Variants in KCNQ2 observed in about 807,000 individuals in gnomAD.
The protein encoded by KCNQ2 is potassium voltage-gated channel subfamily Q member 2.
Under a neutral mutation model 84.8 loss-of-function variants are expected in KCNQ2, and 14 were observed. The observed-to-expected ratio is 0.17, with a 90% CI of 0.11 to 0.26. KCNQ2 has a LOEUF of 0.26. Ranked by LOEUF, KCNQ2 falls within the 10% of genes least tolerant of loss-of-function variation. The pLI, the probability that KCNQ2 is intolerant of heterozygous loss-of-function variation, is 1.00. For missense variants in KCNQ2, 788 were observed against 1,254.0 expected, an observed-to-expected ratio of 0.63 and a Z score of 5.61; for synonymous variants, 599 against 554.1, an observed-to-expected ratio of 1.08 and a Z score of -1.14.
rs201750561 is a variant in KCNQ2, at chr20:63,419,667, C to G, written c.1253G>C (p.Gly418Ala). The G allele has an allele frequency of 6.2e-7, 1 of 1,610,738 alleles. No individual in the cohort carries two copies. The highest frequency in any genetic ancestry group is 1.1e-5 in the South Asian group (1 of 90,224). Residue 418 changes from glycine to alanine, a missense_variant, in exon 12 of 17, where the codon GGC (glycine) becomes GCC (alanine). Gly to Ala is a moderately conservative substitution (Grantham distance 60, BLOSUM62 0). Around this residue, in one of 8 missense-constraint regions of KCNQ2, gnomAD observed 202 missense variants for 239.4 expected, o/e 0.84. Coordinates refer to ENST00000359125, the MANE Select transcript of KCNQ2 (RefSeq NM_172107.4). ...ACACAGGGGCCCTCTGCACGGGCTGCCTTTACTGGAAATGAGGAGAGCACA... is the reference window on the plus strand; with the variant it reads ...ACACAGGGGCCCTCTGCACGGGCTGGCTTTACTGGAAATGAGGAGAGCACA... ...DPPPEPSPSK[G>A]SPCRGPLCGC...
chr20:63,421,803 G>A lies in KCNQ2; in HGVS notation c.1248-2131C>T, dbSNP rs931382674. Among the ~76,000 whole-genome samples, 6 of 152,130 alleles carry A rather than the reference G, an allele frequency of 3.9e-5. No individual in the cohort carries two copies. The East Asian group carries it at 5.8e-4, about 15-fold the overall frequency. On this transcript the variant is annotated intron_variant, in intron 11 of 16. Coordinates refer to ENST00000359125, the MANE Select transcript of KCNQ2 (RefSeq NM_172107.4). ...GGACAAGACAGCACAAGTCAGAACC[G>A]CCGTGGCCAAAGAGACCCCCCGGGA...
At chr20:63,430,499 T>A (rs2080760006) in intron 9 of KCNQ2, among the ~76,000 whole-genome samples, 1 of 152,060 alleles carries the variant, frequency 6.6e-6, no homozygotes, top group Admixed American at 6.5e-5. Flanking sequence ...GGAGGAGTCA[T>A]CAAGGGCTTC....
chr20:63,449,832 CG>C, intron 1 of KCNQ2, among the ~76,000 whole-genome samples: 1 of 151,984 alleles, frequency 6.6e-6, no homozygotes, highest in East Asian at 1.9e-4. Flanking sequence ...GGCACAAACC[CG>C]GGGCCCCCAT....
intron 4 of KCNQ2, among the ~76,000 whole-genome samples, chr20:63,442,773 TCACCACCAC>T (rs796989773): frequency 4.8e-4 from 13 of 27,304 alleles, no homozygotes; most frequent in African/African-American, 1.6e-3. Flanking sequence ...ACCATCACCA[TCACCACCAC>T]CACCATCACC....
intron 1 of KCNQ2, among the ~76,000 whole-genome samples, chr20:63,447,065 G>GCC (rs1240980622): frequency 6.6e-6 from 1 of 150,848 alleles, no homozygotes; most frequent in Non-Finnish European, 1.5e-5. Flanking sequence ...AGTGGCAGCT[G>GCC]CCCCCTCTAT....
In KCNQ2 at chr20:63,442,842, CCAT is replaced by C. The variant is rs1348911644; in HGVS notation, c.691-314_691-312del. 0.11 allele frequency among the ~76,000 whole-genome samples: 2,769 copies of C among 25,340 alleles called. 63 individuals carry two copies. The highest frequency in any genetic ancestry group is 0.13 in the Non-Finnish European group (1,568 of 12,250). The allele number at this position is 25,340 out of a possible 152,430, so 16.6% of individuals were successfully genotyped here. A position where few individuals can be genotyped will look rare whatever the true frequency, so the allele number is the denominator to read the frequency against. ...ATCACCATCACCATCACCACCACCA[CCAT>C]CACCATCACCACCACCATCACCATC... On this transcript the variant is annotated intron_variant, in intron 4 of 16. Transcript: ENST00000359125.
intron 1 of KCNQ2, among the ~76,000 whole-genome samples, chr20:63,454,561 G>T (rs760348277): frequency 6.6e-6 from 1 of 152,234 alleles, no homozygotes; most frequent in Non-Finnish European, 1.5e-5. Flanking sequence ...GTTCCCAAAC[G>T]CACTGGCCAG....
At position 63,411,072 on chromosome 20, in the gene KCNQ2, G is replaced by A. The variant is rs12480397; in HGVS notation, c.1763+2378C>T. 6.6e-3 allele frequency: 2,966 copies of A among 448,320 alleles called. 152 individuals carry two copies. In the Admixed American group the frequency reaches 0.071, roughly 11 times the overall value. 27.8% of individuals were successfully genotyped at this position (448,320 alleles called of 1,614,324 possible). The stretch of plus-strand genomic sequence containing the variant: ...CGCACCTCTGTTCTGCCCATCAGCC[G>A]GGGCTCTCGCCAGCTCCCTTATCAA... On this transcript the variant is annotated intron_variant, in intron 15 of 16. Transcript: ENST00000359125.
chr20:63,442,640 A>T, intron 4 of KCNQ2, 109 bp from the exon 5 acceptor site: 1 of 1,158,422 alleles, frequency 8.6e-7, no homozygotes, highest in Non-Finnish European at 1.3e-6. Context: ...CATCACCACC[A>T]CCAAAACCAT....
intron 5 of KCNQ2, among the ~76,000 whole-genome samples, chr20:63,439,990 G>A (rs1434797014): frequency 6.6e-6 from 1 of 152,254 alleles, no homozygotes; most frequent in Non-Finnish European, 1.5e-5. Flanking sequence ...ACTCCCACGA[G>A]GCTCGGCTAG....
Position 63,408,659 on chromosome 20 carries a change from C to A in KCNQ2, c.1764-123G>T. Reference sequence around the variant, plus strand: ...GCTGCAGGCTCAGCCCAGAGCCGACCAGGGGGCAGTGGGTGCCAGGACAGA... The same window carrying A: ...GCTGCAGGCTCAGCCCAGAGCCGACAAGGGGGCAGTGGGTGCCAGGACAGA... On this transcript the variant is annotated intron_variant, in intron 15 of 16. Transcript: ENST00000359125. This position sits in a 1 kb window ranked among gnomAD's most constrained non-coding sequence, Gnocchi z 5.0. 6.9e-7 allele frequency: 1 copy of A among 1,451,418 alleles called. No homozygotes were observed. The highest frequency in any genetic ancestry group is 1.4e-5 in the African/African-American group (1 of 71,602). 89.9% of individuals were successfully genotyped at this position (1,451,418 alleles called of 1,614,324 possible). A position where few individuals can be genotyped will look rare whatever the true frequency, so the allele number is the denominator to read the frequency against.
At chr20:63,411,151 C>G (rs556060811) in intron 15 of KCNQ2, 1 of 386,160 alleles carries the variant, frequency 2.6e-6, no homozygotes, top group Admixed American at 3.1e-5. Context: ...GCTGCTGGAG[C>G]GCACGCCTGT....
chr20:63,463,347 TC>T (rs1161425671), intron 1 of KCNQ2, among the ~76,000 whole-genome samples: 2 of 152,126 alleles, frequency 1.3e-5, no homozygotes, highest in African/African-American at 4.8e-5. Context: ...TGCCTCCTGC[TC>T]CGTCCTGGGG....
intron 1 of KCNQ2, among the ~76,000 whole-genome samples, chr20:63,465,627 G>A (rs6122457): frequency 0.075 from 11,446 of 152,258 alleles, 935 homozygotes; most frequent in East Asian, 0.44. Context: ...AGAGTTCCTC[G>A]GCGACAAGCT....
chr20:63,443,343 T>TCACCAC (rs1568937312), intron 4 of KCNQ2, among the ~76,000 whole-genome samples: 1 of 7,294 alleles, frequency 1.4e-4, no homozygotes, highest in Non-Finnish European at 3.2e-4. Flanking sequence ...ATCACCACCA[T>TCACCAC]CACCACCACC....
At position 63,429,894 on chromosome 20, in the gene KCNQ2, T is replaced by C. The variant is rs1438981485; in HGVS notation, c.1148+1446A>G. Among the ~76,000 whole-genome samples, 3 of 152,134 alleles carry C rather than the reference T, an allele frequency of 2.0e-5. No individual in the cohort carries two copies. The East Asian group carries it at 5.8e-4, about 30-fold the overall frequency. ...TGCAGCCCCAGAGGTGCCCCCAAAA[T>C]GCTGGCAGGAGTGGGGCTCCTGTGA... On this transcript the variant is annotated intron_variant, in intron 9 of 16. Transcript: ENST00000359125.
chr20:63,438,049 C>A lies in KCNQ2; in HGVS notation c.1023+576G>T, dbSNP rs953522581. Among the ~76,000 whole-genome samples, 1 of 152,210 alleles carries A rather than the reference C, an allele frequency of 6.6e-6. No individual in the cohort carries two copies. Among genetic ancestry groups the A allele is most frequent in the African/African-American group, 2.4e-5 (1 of 41,460 alleles). The stretch of plus-strand genomic sequence containing the variant: ...GGTCTTGATTTCCTGACCTCGTGAT[C>A]CTCCCACCTCGGCCTCCCAAAGTGC... On this transcript the variant is annotated intron_variant, in intron 7 of 16. Transcript: ENST00000359125. This position sits in a 1 kb window ranked among gnomAD's most constrained non-coding sequence, Gnocchi z 5.1.
chr20:63,437,080 G>A (rs1375336480), intron 7 of KCNQ2, among the ~76,000 whole-genome samples: 4 of 152,134 alleles, frequency 2.6e-5, no homozygotes, highest in Middle Eastern at 3.2e-3. Flanking sequence ...TGCCCAGCCT[G>A]TAAACATAAC....
Position 63,408,655 on chromosome 20 carries a change from C to A in KCNQ2, c.1764-119G>T, listed in dbSNP as rs1470850981. The stretch of plus-strand genomic sequence containing the variant: ...CTAGGCTGCAGGCTCAGCCCAGAGC[C>A]GACCAGGGGGCAGTGGGTGCCAGGA... On this transcript the variant is annotated intron_variant, in intron 15 of 16. Coordinates refer to ENST00000359125, the MANE Select transcript of KCNQ2 (RefSeq NM_172107.4). The surrounding 1 kb of genome is among the most constrained non-coding windows in gnomAD (Gnocchi z 5.0). The A allele has an allele frequency of 2.0e-6, 3 of 1,470,148 alleles. No homozygotes were observed. The highest frequency in any genetic ancestry group is 3.9e-5 in the Admixed American group (2 of 51,170). The allele number at this position is 1,470,148 out of a possible 1,614,324, so 91.1% of individuals were successfully genotyped here. A position where few individuals can be genotyped will look rare whatever the true frequency, so the allele number is the denominator to read the frequency against.
Sources: gnomAD v4.1 joint callset for allele counts (sites outside exome capture counted in the v4.1 genomes callset) on GRCh38, gnomAD v4.1.1 for gene constraint, gnomAD v4.1.1 regional missense constraint, Gnocchi (gnomAD v3.1) non-coding constraint, MANE v1.5 for transcripts, NCBI Gene and HGNC (gene_info 2026-07-23, HGNC 2026-07-21) for gene names.